CCDC6: variants seen among roughly 807,000 people sequenced by gnomAD.
The protein encoded by CCDC6 is coiled-coil domain-containing protein 6.
Under a neutral mutation model 56.6 loss-of-function variants are expected in CCDC6, and 20 were observed. That is an observed-to-expected ratio of 0.35 (90% CI 0.25 to 0.51). The LOEUF (loss-of-function observed/expected upper bound fraction) is 0.51. CCDC6 is among the 20% of genes least tolerant of loss of function. CCDC6 has a pLI of 0.95. For synonymous variants in CCDC6, 241 were observed against 234.4 expected, an observed-to-expected ratio of 1.03 and a Z score of -0.26; for missense variants, 367 against 601.1, an observed-to-expected ratio of 0.61 and a Z score of 4.07.
chr10:59,843,351 T>C (rs1188934906), intron 2 of CCDC6, among the ~76,000 whole-genome samples: 1 of 152,210 alleles, frequency 6.6e-6, no homozygotes, highest in East Asian at 1.9e-4. Flanking sequence ...AAGTTACGTT[T>C]TTCTAAGAAT....
intron 1 of CCDC6, among the ~76,000 whole-genome samples, chr10:59,888,820 G>A (rs2132680824): frequency 6.6e-6 from 1 of 152,230 alleles, no homozygotes; most frequent in South Asian, 2.1e-4. Flanking sequence ...CTCTACTTTA[G>A]TATATGCTTG....
At position 59,804,441 on chromosome 10, in the gene CCDC6, A is replaced by G. The variant is rs750521863; in HGVS notation, c.1084T>C (p.Ser362Pro). The stretch of plus-strand genomic sequence containing the variant: ...TCACCAGGTGATATAGGCCTGCTTG[A>G]ACTCGGAGAAGGTGTGTAAGGGATC... ...SPIPYTPSPS[S>P]SRPISPGLSY... Residue 362 changes from serine (S) to proline (P), a missense_variant, in exon 7 of 9, where the codon TCA (serine) becomes CCA (proline). By Grantham distance (74) the Ser-to-Pro change is moderately conservative. This residue lies in a region of CCDC6 where 79 missense variants were observed against 83.9 expected (regional missense o/e 0.94). Coordinates refer to ENST00000263102, the MANE Select transcript of CCDC6 (RefSeq NM_005436.5). 1 of 1,611,748 alleles carries G rather than the reference A, an allele frequency of 6.2e-7. No homozygotes were observed. Among genetic ancestry groups the G allele is most frequent in the Non-Finnish European group, 8.5e-7 (1 of 1,177,842 alleles).
chr10:59,853,827 G>C (rs2071058572), intron 1 of CCDC6, among the ~76,000 whole-genome samples: 1 of 152,086 alleles, frequency 6.6e-6, no homozygotes, highest in Admixed American at 6.5e-5. Context: ...TTATTCAATG[G>C]AGATGAAAAT....
intron 2 of CCDC6, among the ~76,000 whole-genome samples, chr10:59,843,077 G>A (rs2070956417): frequency 6.6e-6 from 1 of 151,952 alleles, no homozygotes. Context: ...TAGTAGAGAT[G>A]GGGTTTCACC....
chr10:59,837,740 C>CT (rs1254920792), intron 2 of CCDC6, among the ~76,000 whole-genome samples: 31 of 101,280 alleles, frequency 3.1e-4, no homozygotes, highest in African/African-American at 1.2e-3. Context: ...GAGTGAGACT[C>CT]TGTCTCAAAA....
chr10:59,792,362 T>C lies in CCDC6; in HGVS notation c.*555A>G, dbSNP rs2070475695. 7.6e-6 allele frequency: 3 copies of C among 394,690 alleles called. No homozygotes were observed. The highest frequency in any genetic ancestry group is 1.4e-5 in the Non-Finnish European group (3 of 209,624). 24.4% of individuals were successfully genotyped at this position (394,690 alleles called of 1,614,324 possible). On this transcript the variant is annotated 3_prime_UTR_variant, in exon 9 of 9. Transcript: ENST00000263102. ...AAATAACCTGTAAAAAATGTATCTG[T>C]AGAAAGTTCTGTTAAACAGAAAATA...
chr10:59,899,866 AGGCAAG>A (rs1453240456), intron 1 of CCDC6, among the ~76,000 whole-genome samples: 4 of 146,190 alleles, frequency 2.7e-5, no homozygotes, highest in Non-Finnish European at 6.2e-5. Flanking sequence ...CAAAGCTAGA[AGGCAAG>A]GGCACACTGA....
chr10:59,878,470 A>T (rs2071303230), intron 1 of CCDC6, among the ~76,000 whole-genome samples: 1 of 152,222 alleles, frequency 6.6e-6, no homozygotes, highest in Non-Finnish European at 1.5e-5. Flanking sequence ...TATATCAGCC[A>T]GTTTCACAAT....
chr10:59,797,963 C>T (rs751689275), intron 7 of CCDC6, among the ~76,000 whole-genome samples: 21 of 152,152 alleles, frequency 1.4e-4, no homozygotes, highest in Non-Finnish European at 2.2e-4. Flanking sequence ...ATTTTGAGAA[C>T]ATCTAAAAGC....
chr10:59,871,409 T>C (rs1384683942), intron 1 of CCDC6, among the ~76,000 whole-genome samples: 2 of 150,172 alleles, frequency 1.3e-5, no homozygotes, highest in African/African-American at 4.9e-5. Context: ...GACTGCTTTG[T>C]AGGCAATGGA....
chr10:59,870,402 A>G (rs914306570), intron 1 of CCDC6, among the ~76,000 whole-genome samples: 1 of 151,774 alleles, frequency 6.6e-6, no homozygotes, highest in African/African-American at 2.4e-5. Context: ...CACTTTTCAC[A>G]CCCCCACATC....
At position 59,792,348 on chromosome 10, in the gene CCDC6, A is replaced by T. The variant is rs1391638981; in HGVS notation, c.*569T>A. Reference sequence around the variant, plus strand: ...CAATAACACAATGAAAATAACCTGTAAAAAATGTATCTGTAGAAAGTTCTG... The same window carrying T: ...CAATAACACAATGAAAATAACCTGTTAAAAATGTATCTGTAGAAAGTTCTG... On this transcript the variant is annotated 3_prime_UTR_variant, in exon 9 of 9. Coordinates refer to ENST00000263102, the MANE Select transcript of CCDC6 (RefSeq NM_005436.5). 7.7e-6 allele frequency: 3 copies of T among 388,418 alleles called. No individual in the cohort carries two copies. Among genetic ancestry groups the T allele is most frequent in the Non-Finnish European group, 1.4e-5 (3 of 207,046 alleles). The allele number at this position is 388,418 out of a possible 1,614,324, so 24.1% of individuals were successfully genotyped here. A position where few individuals can be genotyped will look rare whatever the true frequency, so the allele number is the denominator to read the frequency against.
Position 59,884,430 on chromosome 10 carries a change from C to T in CCDC6, c.303+21692G>A, listed in dbSNP as rs1245824276. Among the ~76,000 whole-genome samples the T allele has an allele frequency of 2.0e-5, 3 of 152,274 alleles. No individual in the cohort carries two copies. In the East Asian group the frequency reaches 5.8e-4, roughly 29 times the overall value. On this transcript the variant is annotated intron_variant, in intron 1 of 8. Transcript: ENST00000263102. Reference sequence around the variant, plus strand: ...GCAACTCTACTCCTAGATTATCCTACAGATAATAAAAACCATTGCTAAGAC... The same window carrying T: ...GCAACTCTACTCCTAGATTATCCTATAGATAATAAAAACCATTGCTAAGAC...
intron 1 of CCDC6, among the ~76,000 whole-genome samples, chr10:59,885,349 G>T (rs1589061690): frequency 6.6e-6 from 1 of 152,256 alleles, no homozygotes; most frequent in East Asian, 1.9e-4. Context: ...AACTGTAAGA[G>T]AATGGATTAA....
chr10:59,832,754 A>C (rs1188639223), intron 2 of CCDC6, 101 bp from the exon 3 acceptor site: 1 of 1,264,246 alleles, frequency 7.9e-7, no homozygotes, highest in African/African-American at 1.5e-5. Context: ...ATACCACAAA[A>C]GTTACATTAC....
chr10:59,819,031 A>G lies in CCDC6; in HGVS notation c.583-4276T>C, dbSNP rs548532554. Among the ~76,000 whole-genome samples the G allele has an allele frequency of 3.3e-5, 5 of 152,314 alleles. No homozygotes were observed. The East Asian group carries it at 9.7e-4, about 29-fold the overall frequency. On this transcript the variant is annotated intron_variant, in intron 3 of 8. Coordinates refer to ENST00000263102, the MANE Select transcript of CCDC6 (RefSeq NM_005436.5). The stretch of plus-strand genomic sequence containing the variant: ...GATTCACTAAAAATGGGGTAATTAT[A>G]CGGTTTTCATTAATCTTTAATATAT...
At chr10:59,887,751 A>G (rs962491276) in intron 1 of CCDC6, among the ~76,000 whole-genome samples, 1 of 152,074 alleles carries the variant, frequency 6.6e-6, no homozygotes, top group Non-Finnish European at 1.5e-5. Context: ...GCGACATTGG[A>G]ATTTCCTAGA....
At chr10:59,828,131 G>T (rs1041745969) in intron 3 of CCDC6, among the ~76,000 whole-genome samples, 1 of 152,262 alleles carries the variant, frequency 6.6e-6, no homozygotes, top group Middle Eastern at 3.4e-3. Flanking sequence ...TTCTTGACAT[G>T]AACAGAAAAT....
Position 59,906,484 on chromosome 10 carries a change from G to T in CCDC6, c.-60C>A. ...CAGGGAGGCGGCGGCGACGAAGGCC[G>T]GGCTGCGAATGAGTGGGCGCCGGGC... is the stretch of plus-strand genomic sequence containing the variant. On this transcript the variant is annotated 5_prime_UTR_variant, in exon 1 of 9. Coordinates refer to ENST00000263102, the MANE Select transcript of CCDC6 (RefSeq NM_005436.5). 1 of 1,389,070 alleles carries T rather than the reference G, an allele frequency of 7.2e-7. No homozygotes were observed. The highest frequency in any genetic ancestry group is 1.5e-5 in the South Asian group (1 of 64,652). The allele number at this position is 1,389,070 out of a possible 1,614,324, so 86.0% of individuals were successfully genotyped here.
Sources: allele counts gnomAD v4.1 joint callset (sites outside exome capture counted in the v4.1 genomes callset), GRCh38; gene constraint gnomAD v4.1.1; regional missense constraint gnomAD v4.1.1; transcripts MANE v1.5; gene names NCBI Gene and HGNC (gene_info 2026-07-23, HGNC 2026-07-21).